The following CUX1 variants were observed in gnomAD, a reference collection of about 807,000 sequenced individuals.
CUX1 encodes the protein protein CASP.
A neutral mutation model predicts 158.8 loss-of-function variants in CUX1; 31 were observed. The ratio of observed to expected loss-of-function variants is 0.20; its 90% CI spans 0.15 to 0.26. The LOEUF (loss-of-function observed/expected upper bound fraction) is 0.26, where lower values mean the gene tolerates loss of function less well. Ranked by LOEUF, CUX1 falls within the 10% of genes least tolerant of loss-of-function variation. The pLI, the probability that CUX1 is intolerant of heterozygous loss-of-function variation, is 1.00. For synonymous variants in CUX1, 879 were observed against 862.1 expected (o/e 1.02, Z -0.34); for missense variants, 1,589 against 2,014.6 (o/e 0.79, Z 4.04).
intron 9 of CUX1, among the ~76,000 whole-genome samples, chr7:102,166,213 A>G (rs1791015633): frequency 6.6e-6 from 1 of 152,158 alleles, no homozygotes; most frequent in Admixed American, 6.5e-5. Context: ...GGTCTGGGTT[A>G]CCACTGATAT....
intron 23 of CUX1, among the ~76,000 whole-genome samples, chr7:102,247,496 C>T (rs73412048): frequency 0.055 from 8,322 of 152,168 alleles, 264 homozygotes; most frequent in Non-Finnish European, 0.067. Flanking sequence ...CTAGTTGGAG[C>T]GGGATGGGAT....
At chr7:102,274,253 G>A (rs1456048550) in exon 16 of CUX1, 1 of 1,613,298 alleles carries the variant, frequency 6.2e-7, no homozygotes, top group African/African-American at 1.3e-5. Context: ...GGGTGCCGCT[G>A]AGCACCGCCT....
chr7:101,910,442 G>A (rs1371182502), intron 1 of CUX1, among the ~76,000 whole-genome samples: 5 of 151,942 alleles, frequency 3.3e-5, no homozygotes, highest in African/African-American at 9.7e-5. Flanking sequence ...CACTGTTCCC[G>A]GCCCACATAC....
At chr7:102,030,118 TCTCCTGCCTCAGCCTCCCAAGTAGCTGGG>T (rs1279208152) in intron 3 of CUX1, among the ~76,000 whole-genome samples, 1 of 152,106 alleles carries the variant, frequency 6.6e-6, no homozygotes, top group Non-Finnish European at 1.5e-5. Flanking sequence ...TTTAAGCAAT[TCTCCTGCCTCAGCCTCCCAAGTAGCTGGG>T]ATTACAGGCA....
intron 9 of CUX1, among the ~76,000 whole-genome samples, chr7:102,161,510 G>A (rs986204128): frequency 7.9e-5 from 12 of 152,158 alleles, no homozygotes; most frequent in African/African-American, 1.7e-4. Flanking sequence ...AGCCTGATAC[G>A]GCTACATTAA....
chr7:101,928,976 G>T (rs992355195), intron 2 of CUX1, among the ~76,000 whole-genome samples: 1 of 151,890 alleles, frequency 6.6e-6, no homozygotes. Flanking sequence ...GGCCACAAAT[G>T]GACTTTAAAG....
chr7:102,189,713 C>G (rs1171996062), intron 11 of CUX1, 100 bp from the exon 12 acceptor site: 1 of 1,304,950 alleles, frequency 7.7e-7, no homozygotes, highest in Non-Finnish European at 1.1e-6. Context: ...CTGGCTTCCC[C>G]TCTCAGGCAC....
In CUX1 at chr7:102,178,669, G is replaced by A; in HGVS notation, c.1017+12G>A. 6.3e-7 allele frequency: 1 copy of A among 1,598,404 alleles called. No homozygotes were observed. Among genetic ancestry groups the A allele is most frequent in the Non-Finnish European group, 8.5e-7 (1 of 1,171,706 alleles). On this transcript the variant is annotated intron_variant, in intron 11 of 23. Transcript: ENST00000292535. The stretch of plus-strand genomic sequence containing the variant: ...ACAGCACACTCAAAGTAAGGGGGCT[G>A]CGGGGCCCGGGGGTGGCCCGAGGAG...
intron 5 of CUX1, among the ~76,000 whole-genome samples, chr7:102,100,701 T>C (rs1829678375): frequency 1.3e-5 from 2 of 152,268 alleles, no homozygotes; most frequent in Admixed American, 1.3e-4. Flanking sequence ...GCACAATGGC[T>C]CATGCCTATA....
intron 8 of CUX1, among the ~76,000 whole-genome samples, chr7:102,130,587 A>T (rs1039741952): frequency 1.6e-4 from 25 of 152,070 alleles, no homozygotes; most frequent in African/African-American, 6.0e-4. Context: ...AGGCTGAGGC[A>T]GGAGAATCGC....
chr7:102,076,413 C>T (rs1374048095), intron 4 of CUX1, among the ~76,000 whole-genome samples: 1 of 151,860 alleles, frequency 6.6e-6, no homozygotes, highest in African/African-American at 2.4e-5. Flanking sequence ...AAAAAAGACA[C>T]CAAATAAGCA....
chr7:102,221,407 G>A (rs531645481), intron 20 of CUX1, among the ~76,000 whole-genome samples: 12 of 152,120 alleles, frequency 7.9e-5, no homozygotes, highest in Non-Finnish European at 1.6e-4. Flanking sequence ...AATAAGAAAC[G>A]ACTTTATCCT....
chr7:102,113,490 A>G (rs2131100164), intron 7 of CUX1, among the ~76,000 whole-genome samples: 1 of 152,268 alleles, frequency 6.6e-6, no homozygotes, highest in Non-Finnish European at 1.5e-5. Flanking sequence ...TCCTGACCTC[A>G]AGTGATCCAC....
At chr7:101,841,899 T>G (rs1392778714) in intron 1 of CUX1, among the ~76,000 whole-genome samples, 1 of 152,204 alleles carries the variant, frequency 6.6e-6, no homozygotes, top group African/African-American at 2.4e-5. Context: ...CTTTCTTGTT[T>G]TGGATAAATC....
rs1801481171 is a variant in CUX1, at chr7:102,251,296, C to G, written c.*2254C>G. 1.0e-6 allele frequency: 1 copy of G among 985,054 alleles called. No individual in the cohort carries two copies. The highest frequency in any genetic ancestry group is 1.2e-6 in the Non-Finnish European group (1 of 829,890). 61.0% of individuals were successfully genotyped at this position (985,054 alleles called of 1,614,324 possible). On this transcript the variant is annotated 3_prime_UTR_variant, in exon 24 of 24. Coordinates refer to ENST00000292535, the MANE Select transcript of CUX1 (RefSeq NM_181552.4). ...TTAAAGGTATGCTCTGGCTGTTCCA[C>G]CTCCGTGTGCTTGTTAATTAACTTG...
At chr7:101,928,142 T>C (rs532985769) in intron 2 of CUX1, among the ~76,000 whole-genome samples, 14 of 152,160 alleles carry the variant, frequency 9.2e-5, no homozygotes, top group African/African-American at 2.7e-4. Flanking sequence ...TGCCCTGGAA[T>C]TTTAGTCAAA....
At chr7:102,245,631 T>C (rs1406685563) in intron 23 of CUX1, among the ~76,000 whole-genome samples, 1 of 152,170 alleles carries the variant, frequency 6.6e-6, no homozygotes, top group Non-Finnish European at 1.5e-5. Context: ...ATAACTTCTC[T>C]GCAAGGAAGA....
chr7:102,265,875 A>T (rs1216619236), intron 14 of CUX1, among the ~76,000 whole-genome samples: 1 of 152,024 alleles, frequency 6.6e-6, no homozygotes, highest in Non-Finnish European at 1.5e-5. Context: ...GTAAAAAGAG[A>T]CTGGATTCTG....
intron 2 of CUX1, among the ~76,000 whole-genome samples, chr7:101,984,089 AAT>A (rs1195893037): frequency 2.3e-4 from 7 of 29,844 alleles, no homozygotes; most frequent in Admixed American, 1.0e-3. Context: ...AAAAAAAAAA[AAT>A]ATATATATAT....
Sources: gnomAD v4.1 joint callset for allele counts (sites outside exome capture counted in the v4.1 genomes callset) on GRCh38, gnomAD v4.1.1 for gene constraint, MANE v1.5 for transcripts, NCBI Gene and HGNC (gene_info 2026-07-23, HGNC 2026-07-21) for gene names.